Variants in MMP20 observed in about 807,000 individuals in gnomAD.
MMP20 encodes the protein matrix metallopeptidase 20.
In MMP20, 50 loss-of-function variants were observed where a neutral mutation model predicts 51.8. That is an observed-to-expected ratio of 0.97 (90% CI 0.77 to 1.22). The LOEUF (loss-of-function observed/expected upper bound fraction) is 1.22, where lower values mean the gene tolerates loss of function less well. Ranked by LOEUF, MMP20 falls within the 50% of genes most tolerant of loss-of-function variation. MMP20 has a pLI of 0.00. For missense variants in MMP20, 663 were observed against 601.4 expected (o/e 1.10, Z -1.07); for synonymous variants, 244 against 216.2 (o/e 1.13, Z -1.13).
chr11:102,610,723 T>G (rs965693635), intron 3 of MMP20, among the ~76,000 whole-genome samples: 1 of 151,398 alleles, frequency 6.6e-6, no homozygotes, highest in Non-Finnish European at 1.5e-5. Context: ...GTTTACCACT[T>G]AAAAAAATCT....
Position 102,606,566 on chromosome 11 carries a change from G to A in MMP20, c.922C>T (p.Leu308=). The change falls in exon 6 of 10, where the codon CTG becomes TTG. Residue 308 remains leucine (L), a synonymous_variant. Coordinates refer to ENST00000260228, the MANE Select transcript of MMP20 (RefSeq NM_004771.4). ...SSSSFDAVTM[L]GKELLLFKDR... ...TTGAAGAGCAGGAGCTCCTTCCCCA[G>A]CATTGTCACAGCGTCAAAGGATGAG... is the stretch of plus-strand genomic sequence containing the variant. 4.3e-6 allele frequency: 7 copies of A among 1,614,022 alleles called. No individual in the cohort carries two copies. Among genetic ancestry groups the A allele is most frequent in the Non-Finnish European group, 5.1e-6 (6 of 1,179,898 alleles).
intron 1 of MMP20, among the ~76,000 whole-genome samples, chr11:102,620,936 A>C (rs996011380): frequency 1.3e-5 from 2 of 152,192 alleles, no homozygotes; most frequent in African/African-American, 2.4e-5. Context: ...GGTTTTATTC[A>C]GCAGCTCTCT....
At chr11:102,588,212 G>A (rs1591610234) in intron 8 of MMP20, among the ~76,000 whole-genome samples, 1 of 151,980 alleles carries the variant, frequency 6.6e-6, no homozygotes, top group Admixed American at 6.6e-5. Context: ...GTGAGATATA[G>A]AAACATTACT....
intron 6 of MMP20, among the ~76,000 whole-genome samples, chr11:102,597,839 T>A (rs1313572794): frequency 6.6e-6 from 1 of 152,068 alleles, no homozygotes; most frequent in Non-Finnish European, 1.5e-5. Flanking sequence ...GTGATCTAAG[T>A]TCATGGCAAC....
chr11:102,595,441 TTTCTC>T (rs1859370713), intron 6 of MMP20, among the ~76,000 whole-genome samples: 1 of 152,202 alleles, frequency 6.6e-6, no homozygotes, highest in East Asian at 1.9e-4. Flanking sequence ...TTGATACAAA[TTTCTC>T]TTTCCTTTTC....
At chr11:102,593,710 G>T (rs996932866) in intron 7 of MMP20, 115 bp from the exon 8 acceptor site, 4 of 1,158,976 alleles carry the variant, frequency 3.5e-6, no homozygotes, top group Non-Finnish European at 5.1e-6. Flanking sequence ...TACTTGCCAT[G>T]GCTATAACCC....
At chr11:102,614,858 T>C (rs1002145742) in intron 2 of MMP20, among the ~76,000 whole-genome samples, 2 of 152,030 alleles carry the variant, frequency 1.3e-5, no homozygotes, top group Non-Finnish European at 2.9e-5. Context: ...GTTGTAAATA[T>C]TCTCACTATG....
intron 1 of MMP20, among the ~76,000 whole-genome samples, chr11:102,620,907 G>T (rs990758574): frequency 6.6e-6 from 1 of 152,166 alleles, no homozygotes; most frequent in Non-Finnish European, 1.5e-5. Context: ...AGGGGGTGAG[G>T]GCATAGGCAG....
At chr11:102,592,313 C>A (rs17098685) in intron 8 of MMP20, among the ~76,000 whole-genome samples, 4,262 of 152,258 alleles carry the variant, frequency 0.028, 200 homozygotes, top group African/African-American at 0.098. Flanking sequence ...GAAGTGACAG[C>A]TCATGACACC....
At position 102,606,253 on chromosome 11, in the gene MMP20, C is replaced by T. The variant is rs533661739; in HGVS notation, c.953+282G>A. On this transcript the variant is annotated intron_variant, in intron 6 of 9. Transcript: ENST00000260228. ...CTTTGAGCTGCTTTCTTTATCTGCA[C>T]ATTAGGGATTCTAATCTCTACAGTG... 2.4e-4 allele frequency among the ~76,000 whole-genome samples: 36 copies of T among 152,346 alleles called. No individual in the cohort carries two copies. The South Asian group carries it at 3.5e-3, about 15-fold the overall frequency.
chr11:102,599,669 T>A (rs1347487679), intron 6 of MMP20, among the ~76,000 whole-genome samples: 2 of 152,220 alleles, frequency 1.3e-5, no homozygotes, highest in Non-Finnish European at 2.9e-5. Flanking sequence ...TATAGCCAAG[T>A]TTCCTTCTTA....
chr11:102,614,707 A>G (rs1859645154), intron 2 of MMP20, among the ~76,000 whole-genome samples: 1 of 152,020 alleles, frequency 6.6e-6, no homozygotes, highest in African/African-American at 2.4e-5. Flanking sequence ...CAAGTGGCCT[A>G]GGGGATTCAT....
rs1859362818 is a variant in MMP20, at chr11:102,594,857, A to G, written c.954-100T>C. The G allele has an allele frequency of 1.5e-5, 21 of 1,446,052 alleles. No homozygotes were observed. The South Asian group carries it at 2.3e-4, about 16-fold the overall frequency. 89.6% of individuals were successfully genotyped at this position (1,446,052 alleles called of 1,614,324 possible). On this transcript the variant is annotated intron_variant, in intron 6 of 9. Transcript: ENST00000260228. Reference sequence around the variant, plus strand: ...ACTGAAATGTACTCAGAGGCCACTCACTAAATGCCCTTTGCTCTTGCCTTG... The same window carrying G: ...ACTGAAATGTACTCAGAGGCCACTCGCTAAATGCCCTTTGCTCTTGCCTTG...
At chr11:102,602,116 A>ATTTTTTTTTT (rs10593493) in intron 6 of MMP20, among the ~76,000 whole-genome samples, 63 of 109,664 alleles carry the variant, frequency 5.7e-4, no homozygotes, top group Non-Finnish European at 6.9e-4. Context: ...CGCCCGGCTA[A>ATTTTTTTTTT]TTTTTTTTTT....
chr11:102,593,829 T>A (rs1859347514), intron 7 of MMP20, among the ~76,000 whole-genome samples: 1 of 152,210 alleles, frequency 6.6e-6, no homozygotes, highest in Non-Finnish European at 1.5e-5. Flanking sequence ...TTGATAAAAT[T>A]GTGTTTTACA....
In MMP20 at chr11:102,611,757, C is replaced by T; in HGVS notation, c.521G>A (p.Gly174Glu). 1 of 1,613,916 alleles carries T rather than the reference C, an allele frequency of 6.2e-7. No homozygotes were observed. The highest frequency in any genetic ancestry group is 1.3e-5 in the African/African-American group (1 of 75,064). The change falls in exon 3 of 10, where the codon GGA becomes GAA. Residue 174 changes from glycine (G) to glutamate (E), a missense_variant and splice_region_variant. Physicochemically the swap from Gly to Glu is moderately conservative, Grantham distance 98. Transcript: ENST00000260228. Reference protein sequence around the residue: ...EADIMISFENGDHGDSYPFDG... With the variant: ...EADIMISFENEDHGDSYPFDG... ...ATGGAATCCAAGTACCACAATACCT[C>T]CATTTTCAAAAGATATCATAATATC...
At chr11:102,590,660 T>TTA (rs1253554532) in intron 8 of MMP20, among the ~76,000 whole-genome samples, 5 of 152,208 alleles carry the variant, frequency 3.3e-5, no homozygotes, top group South Asian at 4.1e-4. Flanking sequence ...ACTTGAGAAA[T>TTA]GTCTAAGACA....
chr11:102,589,971 G>T (rs1437744601), intron 8 of MMP20, among the ~76,000 whole-genome samples: 3 of 152,170 alleles, frequency 2.0e-5, no homozygotes, highest in Admixed American at 6.5e-5. Flanking sequence ...TTGCAGCAAT[G>T]ATGCCCCGAG....
intron 1 of MMP20, among the ~76,000 whole-genome samples, chr11:102,624,480 G>C (rs1458772948): frequency 1.3e-5 from 2 of 150,602 alleles, no homozygotes; most frequent in African/African-American, 4.9e-5. Context: ...CAGTCTTTGT[G>C]AAATATTTGA....
Sources: allele counts gnomAD v4.1 joint callset (sites outside exome capture counted in the v4.1 genomes callset), GRCh38; gene constraint gnomAD v4.1.1; transcripts MANE v1.5; gene names NCBI Gene and HGNC (gene_info 2026-07-23, HGNC 2026-07-21).